CUL1: variants seen among roughly 807,000 people sequenced by gnomAD.
The protein encoded by CUL1 is cullin 1.
In CUL1, 24 loss-of-function variants were observed where a neutral mutation model predicts 118.0. The observed-to-expected ratio is 0.20, with a 90% CI of 0.15 to 0.29. The LOEUF (loss-of-function observed/expected upper bound fraction) is 0.29. Among genes scored for constraint, CUL1 ranks in the 10% least tolerant of loss-of-function variants. The pLI is 1.00. For synonymous variants in CUL1, 332 were observed against 340.4 expected, an observed-to-expected ratio of 0.98 and a Z score of 0.27; for missense variants, 361 against 933.8, an observed-to-expected ratio of 0.39 and a Z score of 7.99.
chr7:148,736,519 T>A (rs978681735), intron 2 of CUL1, among the ~76,000 whole-genome samples: 2 of 152,080 alleles, frequency 1.3e-5, no homozygotes, highest in Non-Finnish European at 2.9e-5. Context: ...CCCAGGCTGG[T>A]CTTGAACTCC....
chr7:148,799,355 C>A lies in CUL1; in HGVS notation c.2217C>A (p.Ser739=), dbSNP rs767531335. Residue 739 remains serine (S), a synonymous_variant, in exon 21 of 22, where the codon TCC becomes TCA. Transcript: ENST00000325222. ...QLLGEVLTQL[S]SRFKPRVPVI... ...TTGGCGAGGTCCTCACTCAGCTGTCCTCCAGGTTCAAACCTCGAGTCCCTG... is the reference window on the plus strand; with the variant it reads ...TTGGCGAGGTCCTCACTCAGCTGTCATCCAGGTTCAAACCTCGAGTCCCTG... 2.5e-6 allele frequency: 4 copies of A among 1,613,942 alleles called. No individual in the cohort carries two copies. The highest frequency in any genetic ancestry group is 3.4e-6 in the Non-Finnish European group (4 of 1,179,810).
At chr7:148,733,463 C>T (rs1272079886) in intron 2 of CUL1, among the ~76,000 whole-genome samples, 3 of 152,154 alleles carry the variant, frequency 2.0e-5, no homozygotes, top group Non-Finnish European at 4.4e-5. Context: ...TTTGGAATTG[C>T]GTATATGTTG....
intron 1 of CUL1, among the ~76,000 whole-genome samples, chr7:148,709,899 G>A (rs1369764040): frequency 2.6e-5 from 4 of 151,404 alleles, no homozygotes; most frequent in Admixed American, 6.6e-5. Flanking sequence ...CCTGGGCAAC[G>A]TAGTGAAACC....
intron 1 of CUL1, among the ~76,000 whole-genome samples, chr7:148,703,933 A>G (rs998647176): frequency 6.6e-6 from 1 of 152,214 alleles, no homozygotes; most frequent in African/African-American, 2.4e-5. Flanking sequence ...CCAAAAAGTA[A>G]CAGCATGGCG....
rs539744492 is a variant in CUL1 at position 148,783,488 on chromosome 7, G to A, written c.1084-295G>A. On this transcript the variant is annotated intron_variant, in intron 9 of 21. Transcript: ENST00000325222. ...ATTGGCAAAGCAGAACTGTCACTTG[G>A]AAAATGCTGTTTTCATGATCTCTTT... 47 of 1,252,266 alleles carry A rather than the reference G, an allele frequency of 3.8e-5. No homozygotes were observed. The East Asian group carries it at 1.2e-3, about 31-fold the overall frequency. 77.6% of individuals were successfully genotyped at this position (1,252,266 alleles called of 1,614,324 possible).
At chr7:148,757,808 G>A (rs762105270) in intron 4 of CUL1, among the ~76,000 whole-genome samples, 2 of 152,148 alleles carry the variant, frequency 1.3e-5, no homozygotes, top group Non-Finnish European at 2.9e-5. Context: ...CTTAGATGGC[G>A]GCAGGCAAGA....
intron 1 of CUL1, among the ~76,000 whole-genome samples, chr7:148,726,060 C>T (rs1309994170): frequency 6.6e-6 from 1 of 152,182 alleles, no homozygotes; most frequent in Admixed American, 6.5e-5. Context: ...ATGCATAGAT[C>T]TGGACACAAA....
chr7:148,795,538 G>A (rs185815670), intron 17 of CUL1, among the ~76,000 whole-genome samples: 11,627 of 152,000 alleles, frequency 0.076, 531 homozygotes, highest in African/African-American at 0.11. Context: ...AGCCCGAGGC[G>A]GGCGGATCAC....
At chr7:148,764,259 C>CT (rs1311826295) in intron 7 of CUL1, among the ~76,000 whole-genome samples, 16 of 152,208 alleles carry the variant, frequency 1.1e-4, no homozygotes, top group African/African-American at 3.9e-4. Context: ...CCTTGGTGTT[C>CT]TAATACAACA....
At chr7:148,788,452 C>T in intron 13 of CUL1, 105 bp from the exon 14 acceptor site, 2 of 698,954 alleles carry the variant, frequency 2.9e-6, no homozygotes, top group Non-Finnish European at 5.0e-6. Flanking sequence ...CTAGTAGTTC[C>T]ATATAATTAA....
At chr7:148,786,686 G>A in intron 12 of CUL1, 87 bp downstream of exon 12, 1 of 1,104,430 alleles carries the variant, frequency 9.1e-7, no homozygotes, top group Non-Finnish European at 1.3e-6. Context: ...CCTCTGAAAT[G>A]TGAAAAGTAA....
At chr7:148,783,301 G>A (rs774056226) in intron 9 of CUL1, 8 of 984,006 alleles carry the variant, frequency 8.1e-6, no homozygotes, top group Non-Finnish European at 9.7e-6. Context: ...ACGCGGATCC[G>A]CGCCTCTGGT....
At chr7:148,732,210 G>A (rs1030245764) in intron 2 of CUL1, among the ~76,000 whole-genome samples, 2 of 152,182 alleles carry the variant, frequency 1.3e-5, no homozygotes, top group Non-Finnish European at 2.9e-5. Flanking sequence ...GACACTGGTG[G>A]GATTTCTGAT....
chr7:148,764,472 C>T (rs992608972), intron 7 of CUL1, among the ~76,000 whole-genome samples: 4 of 152,238 alleles, frequency 2.6e-5, no homozygotes, highest in Admixed American at 6.5e-5. Context: ...CCTGCCCCCT[C>T]AGCCCCTGCA....
At chr7:148,761,370 G>T (rs977803436) in intron 7 of CUL1, among the ~76,000 whole-genome samples, 1 of 152,110 alleles carries the variant, frequency 6.6e-6, no homozygotes, top group Non-Finnish European at 1.5e-5. Flanking sequence ...ATTTATCTGG[G>T]CATGGTGGCA....
chr7:148,775,855 G>GAAAA (rs34474266), intron 9 of CUL1, among the ~76,000 whole-genome samples: 1 of 132,350 alleles, frequency 7.6e-6, no homozygotes, highest in South Asian at 2.5e-4. Context: ...AATACCACCA[G>GAAAA]AAAAAAAAAA....
At chr7:148,704,305 G>A (rs1432130751) in intron 1 of CUL1, among the ~76,000 whole-genome samples, 1 of 152,016 alleles carries the variant, frequency 6.6e-6, no homozygotes, top group East Asian at 1.9e-4. Flanking sequence ...AATTGGCGTA[G>A]ATTAAAAAAT....
At position 148,760,257 on chromosome 7, in the gene CUL1, G is replaced by T; in HGVS notation, c.626-76G>T. 3.3e-6 allele frequency: 4 copies of T among 1,230,346 alleles called. No individual in the cohort carries two copies. The South Asian group carries it at 6.9e-5, about 21-fold the overall frequency. 76.2% of individuals were successfully genotyped at this position (1,230,346 alleles called of 1,614,324 possible). On this transcript the variant is annotated intron_variant, in intron 6 of 21. Transcript: ENST00000325222. ...CTTTTAAACATAACTTAAACTGAAT[G>T]CTACACCTAAGTATATTCTGTGAAA...
chr7:148,755,624 T>G (rs906562802), intron 3 of CUL1, among the ~76,000 whole-genome samples: 4 of 152,210 alleles, frequency 2.6e-5, no homozygotes, highest in Non-Finnish European at 5.9e-5. Context: ...TTAATTATTC[T>G]TTAGTACTAA....
Sources: gnomAD v4.1 joint callset for allele counts (sites outside exome capture counted in the v4.1 genomes callset) on GRCh38, gnomAD v4.1.1 for gene constraint, MANE v1.5 for transcripts, NCBI Gene and HGNC (gene_info 2026-07-23, HGNC 2026-07-21) for gene names.